Variants in PRKCB observed in about 807,000 individuals in gnomAD.
The protein encoded by PRKCB is protein kinase C beta.
A neutral mutation model predicts 81.5 loss-of-function variants in PRKCB; 13 were observed. That is an observed-to-expected ratio of 0.16 (90% CI 0.10 to 0.25). The LOEUF (loss-of-function observed/expected upper bound fraction) is 0.25, where lower values mean the gene tolerates loss of function less well. PRKCB is among the 10% of genes least tolerant of loss of function. The probability of loss-of-function intolerance (pLI) is 1.00; values close to 1 mark genes in which losing one functional copy is unlikely to be tolerated. For synonymous variants in PRKCB, 335 were observed against 321.4 expected (o/e 1.04, Z -0.45); for missense variants, 509 against 875.7 (o/e 0.58, Z 5.29).
intron 14 of PRKCB, 88 bp downstream of exon 14, chr16:24,185,279 C>A: frequency 1.5e-6 from 2 of 1,358,382 alleles, no homozygotes; most frequent in Non-Finnish European, 2.1e-6. Context: ...TTGGTAACAG[C>A]TCATAAATTG....
chr16:23,893,663 G>C (rs1963328462), intron 2 of PRKCB: 1 of 152,180 alleles, frequency 6.6e-6, no homozygotes, highest in South Asian at 2.1e-4. Context: ...TTTCACAAGA[G>C]TACTCTCACA....
intron 2 of PRKCB, among the ~76,000 whole-genome samples, chr16:23,946,685 C>T (rs1273318445): frequency 6.6e-6 from 1 of 151,954 alleles, no homozygotes; most frequent in Non-Finnish European, 1.5e-5. Context: ...ATAGGCTTTT[C>T]AAACTTTAGC....
intron 2 of PRKCB, among the ~76,000 whole-genome samples, chr16:23,932,630 A>G (rs1474169905): frequency 1.3e-5 from 2 of 152,212 alleles, no homozygotes; most frequent in Admixed American, 6.5e-5. Context: ...GAATCATGCA[A>G]TGTGCATCAA....
chr16:24,021,016 C>T (rs926453859), intron 3 of PRKCB, among the ~76,000 whole-genome samples: 3 of 139,820 alleles, frequency 2.1e-5, no homozygotes, highest in Admixed American at 7.1e-5. Context: ...TTCTTTCTTT[C>T]TTTCTTTCTT....
chr16:24,033,336 T>C (rs1184550878), intron 4 of PRKCB, among the ~76,000 whole-genome samples: 3 of 151,964 alleles, frequency 2.0e-5, no homozygotes, highest in African/African-American at 4.8e-5. Flanking sequence ...CACACATGCA[T>C]AGACAGACAC....
intron 2 of PRKCB, among the ~76,000 whole-genome samples, chr16:23,838,244 C>T (rs1021404150): frequency 6.6e-6 from 1 of 152,220 alleles, no homozygotes; most frequent in African/African-American, 2.4e-5. Flanking sequence ...TTCACATACA[C>T]ATCCTAATTT....
intron 15 of PRKCB, among the ~76,000 whole-genome samples, chr16:24,185,899 A>G (rs1967697453): frequency 6.6e-6 from 1 of 152,248 alleles, no homozygotes; most frequent in Admixed American, 6.5e-5. Context: ...GTCATGGGAA[A>G]GGGCACAAGA....
chr16:23,946,449 C>T (rs182832091), intron 2 of PRKCB, among the ~76,000 whole-genome samples: 29 of 152,228 alleles, frequency 1.9e-4, no homozygotes, highest in African/African-American at 4.3e-4. Flanking sequence ...GTAGACCTAG[C>T]GGTAAAGGGT....
At position 24,025,214 on chromosome 16, in the gene PRKCB, G is replaced by T. The variant is rs368987505; in HGVS notation, c.289-6922G>T. On this transcript the variant is annotated intron_variant, in intron 3 of 16. Coordinates refer to ENST00000643927, the MANE Select transcript of PRKCB (RefSeq NM_002738.7). ...AAAATAGCATGTTTATGGTGCAGGG[G>T]TTTGCAGTGGCCAACAGCGATGATT... Among the ~76,000 whole-genome samples, 8 of 152,330 alleles carry T rather than the reference G, an allele frequency of 5.3e-5. No homozygotes were observed. In the East Asian group the frequency reaches 9.6e-4, roughly 18 times the overall value.
At chr16:24,140,434 G>A (rs1228687585) in intron 9 of PRKCB, among the ~76,000 whole-genome samples, 4 of 152,104 alleles carry the variant, frequency 2.6e-5, no homozygotes, top group Non-Finnish European at 4.4e-5. Context: ...ATTATAATAG[G>A]GAAAGAGCTT....
At chr16:23,886,913 G>A (rs1963212597) in intron 2 of PRKCB, among the ~76,000 whole-genome samples, 1 of 152,024 alleles carries the variant, frequency 6.6e-6, no homozygotes, top group African/African-American at 2.4e-5. Context: ...TTCTCTACCT[G>A]TCAGCTTGGA....
At chr16:23,908,816 C>T (rs921970239) in intron 2 of PRKCB, among the ~76,000 whole-genome samples, 2 of 152,156 alleles carry the variant, frequency 1.3e-5, no homozygotes, top group Non-Finnish European at 2.9e-5. Flanking sequence ...CCGCGCCCAG[C>T]CTGGGCTTTC....
At chr16:23,836,909 CCTCGGTCACAT>C (rs939374329) in intron 1 of PRKCB, among the ~76,000 whole-genome samples, 1 of 152,058 alleles carries the variant, frequency 6.6e-6, no homozygotes, top group Non-Finnish European at 1.5e-5. Context: ...CCTTTCCACT[CCTCGGTCACAT>C]CACTGCGGGC....
intron 2 of PRKCB, among the ~76,000 whole-genome samples, chr16:23,865,492 TA>T: frequency 3.0e-5 from 1 of 33,450 alleles, no homozygotes; most frequent in Admixed American, 3.2e-4. Context: ...TATATATATA[TA>T]TATATATATA....
At chr16:24,114,407 A>G (rs1375010792) in intron 8 of PRKCB, among the ~76,000 whole-genome samples, 1 of 151,898 alleles carries the variant, frequency 6.6e-6, no homozygotes, top group Non-Finnish European at 1.5e-5. Flanking sequence ...TGATTGTGCT[A>G]ATGACTTCAT....
chr16:23,916,512 G>A (rs1231850337), intron 2 of PRKCB, among the ~76,000 whole-genome samples: 1 of 152,044 alleles, frequency 6.6e-6, no homozygotes, highest in Non-Finnish European at 1.5e-5. Context: ...TACTTTTATT[G>A]AAAGATTTCT....
At chr16:24,022,949 G>C (rs1451757093) in intron 3 of PRKCB, among the ~76,000 whole-genome samples, 5 of 152,382 alleles carry the variant, frequency 3.3e-5, no homozygotes, top group South Asian at 2.1e-4. Context: ...GGAGGGCCCA[G>C]GCCAGGGATG....
intron 3 of PRKCB, among the ~76,000 whole-genome samples, chr16:24,023,985 A>G (rs1056874909): frequency 6.6e-6 from 1 of 152,204 alleles, no homozygotes; most frequent in African/African-American, 2.4e-5. Flanking sequence ...GGATTGGCTG[A>G]AGCACAAAGG....
At chr16:24,082,318 T>A (rs752432429) in intron 5 of PRKCB, among the ~76,000 whole-genome samples, 4 of 152,212 alleles carry the variant, frequency 2.6e-5, no homozygotes, top group Admixed American at 1.3e-4. Context: ...GAAATTCAAG[T>A]CAAAATCCCA....
Sources: gnomAD v4.1 joint callset for allele counts (sites outside exome capture counted in the v4.1 genomes callset) on GRCh38, gnomAD v4.1.1 for gene constraint, MANE v1.5 for transcripts, NCBI Gene and HGNC (gene_info 2026-07-23, HGNC 2026-07-21) for gene names.